GUCY2C: variants seen among roughly 807,000 people sequenced by gnomAD.
The protein encoded by GUCY2C is guanylyl cyclase C.
GUCY2C carries 118 observed loss-of-function variants against 131.1 expected under a neutral mutation model. The ratio of observed to expected loss-of-function variants is 0.90; its 90% confidence interval spans 0.78 to 1.05. The LOEUF (loss-of-function observed/expected upper bound fraction) is 1.05. Among genes scored for constraint, GUCY2C ranks in the 50% least tolerant of loss-of-function variants. GUCY2C has a pLI of 0.00. For missense variants in GUCY2C, 1,161 were observed against 1,304.4 expected (o/e 0.89, Z 1.69); for synonymous variants, 452 against 457.8 (o/e 0.99, Z 0.16).
chr12:14,688,594 C>G (rs746014411), intron 1 of GUCY2C, among the ~76,000 whole-genome samples: 2 of 152,218 alleles, frequency 1.3e-5, no homozygotes, highest in Admixed American at 6.5e-5. Flanking sequence ...TTTATCTATC[C>G]AGTCAACAAA....
chr12:14,646,062 C>G (rs929923249), intron 15 of GUCY2C, among the ~76,000 whole-genome samples: 9 of 152,090 alleles, frequency 5.9e-5, no homozygotes, highest in African/African-American at 2.2e-4. Flanking sequence ...TCTCGAACTC[C>G]TGGCCTCAAG....
At chr12:14,637,857 A>C (rs1331366921) in intron 19 of GUCY2C, among the ~76,000 whole-genome samples, 2 of 152,238 alleles carry the variant, frequency 1.3e-5, no homozygotes, top group African/African-American at 4.8e-5. Flanking sequence ...ACAGGCAACC[A>C]AACCAAAAAT....
At chr12:14,651,931 T>C (rs754156448) in intron 14 of GUCY2C, 28 bp downstream of exon 14, 1 of 1,270,438 alleles carries the variant, frequency 7.9e-7, no homozygotes, top group Non-Finnish European at 1.1e-6. Context: ...AAGTTATTTC[T>C]CAAGGGTTTG....
Position 14,613,028 on chromosome 12 carries a change from A to G in GUCY2C, c.*89T>C. ...TACATTTCTGCTTCATTGAGGTCTC[A>G]GGAAAATGTAAGCTTTCAGGACACT... On this transcript the variant is annotated 3_prime_UTR_variant, in exon 27 of 27. Coordinates refer to ENST00000261170, the MANE Select transcript of GUCY2C (RefSeq NM_004963.4). The surrounding 1 kb of genome is among the most constrained non-coding windows in gnomAD (Gnocchi z 4.9). The G allele has an allele frequency of 2.8e-6, 3 of 1,072,652 alleles. No individual in the cohort carries two copies. Among genetic ancestry groups the G allele is most frequent in the Non-Finnish European group, 4.2e-6 (3 of 712,986 alleles). 66.4% of individuals were successfully genotyped at this position (1,072,652 alleles called of 1,614,324 possible). A position where few individuals can be genotyped will look rare whatever the true frequency, so the allele number is the denominator to read the frequency against.
At chr12:14,681,131 T>C (rs1410871496) in intron 5 of GUCY2C, among the ~76,000 whole-genome samples, 1 of 152,172 alleles carries the variant, frequency 6.6e-6, no homozygotes, top group East Asian at 1.9e-4. Flanking sequence ...TTAATATAAT[T>C]ACTCAATAAT....
At chr12:14,657,184 T>C (rs1947780895) in intron 11 of GUCY2C, among the ~76,000 whole-genome samples, 1 of 152,072 alleles carries the variant, frequency 6.6e-6, no homozygotes, top group South Asian at 2.1e-4. Context: ...GGTTTTTCAC[T>C]AAGGCAGTCC....
intron 5 of GUCY2C, among the ~76,000 whole-genome samples, chr12:14,680,685 T>C (rs949567024): frequency 3.9e-5 from 6 of 152,284 alleles, no homozygotes; most frequent in Admixed American, 3.3e-4. Context: ...TTTATTTGAA[T>C]AGATTTTTGC....
intron 23 of GUCY2C, among the ~76,000 whole-genome samples, chr12:14,620,797 G>A (rs576091260): frequency 2.0e-5 from 3 of 152,184 alleles, no homozygotes; most frequent in South Asian, 2.1e-4. Flanking sequence ...TCTTGTTTTC[G>A]TACATGTTTG....
chr12:14,613,344 T>A lies in GUCY2C; in HGVS notation c.3048-53A>T. 2 of 1,330,586 alleles carry A rather than the reference T, an allele frequency of 1.5e-6. No homozygotes were observed. The highest frequency in any genetic ancestry group is 2.2e-6 in the Non-Finnish European group (2 of 924,182). The allele number at this position is 1,330,586 out of a possible 1,614,324, so 82.4% of individuals were successfully genotyped here. ...GAACTTCTCAGCAATTCATACAGAA[T>A]ATTCCTTAGCTCCAGAATAATCAGT... On this transcript the variant is annotated intron_variant, in intron 26 of 26. Transcript: ENST00000261170. The surrounding 1 kb of genome is among the most constrained non-coding windows in gnomAD (Gnocchi z 4.9).
At chr12:14,645,928 G>A (rs1947513982) in intron 15 of GUCY2C, among the ~76,000 whole-genome samples, 1 of 151,548 alleles carries the variant, frequency 6.6e-6, no homozygotes, top group African/African-American at 2.4e-5. Flanking sequence ...CTGTGCCTCC[G>A]GGGTTCCAGC....
At chr12:14,644,865 C>T (rs972199838) in intron 16 of GUCY2C, among the ~76,000 whole-genome samples, 2 of 151,546 alleles carry the variant, frequency 1.3e-5, no homozygotes, top group African/African-American at 4.9e-5. Flanking sequence ...CCTCAGCCTC[C>T]GAAAGTGCTG....
chr12:14,648,866 C>G (rs1297872430), intron 15 of GUCY2C, among the ~76,000 whole-genome samples: 1 of 152,120 alleles, frequency 6.6e-6, no homozygotes, highest in Admixed American at 6.5e-5. Context: ...CAGATGAAGT[C>G]AGTTGTTATT....
At chr12:14,642,146 G>C (rs1265807800) in intron 17 of GUCY2C, among the ~76,000 whole-genome samples, 3 of 152,058 alleles carry the variant, frequency 2.0e-5, no homozygotes, top group African/African-American at 7.2e-5. Flanking sequence ...TGGTGTTTTT[G>C]CTGGTTCCCA....
Position 14,674,616 on chromosome 12 carries a change from G to T in GUCY2C, c.1084+9C>A. On this transcript the variant is annotated intron_variant, in intron 8 of 26. Transcript: ENST00000261170. ...ACCTTGGGGTTATTTGCTCTTAGTA[G>T]ACCAGTACCTTCAAAAGTGAGATTC... is the stretch of plus-strand genomic sequence containing the variant. 1 of 1,612,736 alleles carries T rather than the reference G, an allele frequency of 6.2e-7. No homozygotes were observed. The highest frequency in any genetic ancestry group is 1.1e-5 in the South Asian group (1 of 91,046).
intron 23 of GUCY2C, 92 bp from the exon 24 acceptor site, chr12:14,619,401 T>C (rs552557756): frequency 1.2e-5 from 9 of 759,560 alleles, no homozygotes; most frequent in Admixed American, 2.0e-5. Flanking sequence ...GTCACAATCC[T>C]GAATACTTCC....
At chr12:14,630,848 A>T (rs148160394) in intron 19 of GUCY2C, among the ~76,000 whole-genome samples, 3 of 152,208 alleles carry the variant, frequency 2.0e-5, no homozygotes, top group Non-Finnish European at 4.4e-5. Flanking sequence ...CCAACTACAC[A>T]AATGAATTAA....
intron 20 of GUCY2C, among the ~76,000 whole-genome samples, chr12:14,627,148 A>G (rs1947036803): frequency 6.6e-6 from 1 of 152,198 alleles, no homozygotes; most frequent in South Asian, 2.1e-4. Context: ...GATCAGAGAT[A>G]ATGTTCATAA....
chr12:14,621,886 C>T, intron 22 of GUCY2C, 119 bp downstream of exon 22: 4 of 639,680 alleles, frequency 6.3e-6, no homozygotes, highest in Non-Finnish European at 5.2e-6. Context: ...GATTCAACCA[C>T]CAATTCACTA....
intron 11 of GUCY2C, among the ~76,000 whole-genome samples, chr12:14,658,921 A>G (rs1319809079): frequency 6.6e-6 from 1 of 151,862 alleles, no homozygotes; most frequent in Non-Finnish European, 1.5e-5. Context: ...TGCTTAGTAT[A>G]TGGTAGTTTG....
Sources: allele counts gnomAD v4.1 joint callset (sites outside exome capture counted in the v4.1 genomes callset), GRCh38; gene constraint gnomAD v4.1.1; non-coding constraint Gnocchi (gnomAD v3.1); transcripts MANE v1.5; gene names NCBI Gene and HGNC (gene_info 2026-07-23, HGNC 2026-07-21).